Variants in PHF24 observed in about 807,000 individuals in gnomAD.
PHF24 encodes Galpha inhibitory interacting protein.
PHF24 carries 25 observed loss-of-function variants against 42.6 expected under a neutral mutation model. That is an observed-to-expected ratio of 0.59 (90% CI 0.43 to 0.82). The LOEUF (loss-of-function observed/expected upper bound fraction) is 0.82, where lower values mean the gene tolerates loss of function less well. Among genes scored for constraint, PHF24 ranks in the 40% least tolerant of loss-of-function variants. PHF24 has a pLI of 0.00. For missense variants in PHF24, 470 were observed against 538.1 expected (o/e 0.87, Z 1.25); for synonymous variants, 185 against 204.8 (o/e 0.90, Z 0.83).
chr9:34,734,886 A>G, the PHF24 span, among the ~76,000 whole-genome samples: 1 of 152,228 alleles, frequency 6.6e-6, no homozygotes, highest in Admixed American at 6.5e-5. Flanking sequence ...GGAGGATGAC[A>G]TTGAGCAAAC....
chr9:34,828,149 C>G, the PHF24 span, among the ~76,000 whole-genome samples: 1 of 152,006 alleles, frequency 6.6e-6, no homozygotes, highest in Non-Finnish European at 1.5e-5. Flanking sequence ...ACGGCCCCTC[C>G]CAGCTCCCCA....
intron 3 of PHF24, among the ~76,000 whole-genome samples, chr9:34,975,696 CTTTT>C (rs879481586): frequency 6.9e-6 from 1 of 145,054 alleles, no homozygotes; most frequent in East Asian, 2.0e-4. Flanking sequence ...TAGGATTAAA[CTTTT>C]TTTTTTTTTA....
chr9:34,875,944 A>ACTCTCTCT, the PHF24 span, among the ~76,000 whole-genome samples: 256 of 85,574 alleles, frequency 3.0e-3, 1 homozygote, highest in African/African-American at 0.012. Context: ...ACACACACAC[A>ACTCTCTCT]CACACACTCT....
the PHF24 span, among the ~76,000 whole-genome samples, chr9:34,799,059 T>C: frequency 2.6e-5 from 4 of 152,222 alleles, no homozygotes; most frequent in Non-Finnish European, 5.9e-5. Flanking sequence ...ATTTGATTTT[T>C]CTTGTTGATG....
chr9:34,841,805 C>T, the PHF24 span, among the ~76,000 whole-genome samples: 2 of 152,126 alleles, frequency 1.3e-5, no homozygotes, highest in South Asian at 2.1e-4. Context: ...TGCAGTGAGC[C>T]GAGATTGCAC....
the PHF24 span, chr9:34,725,116 C>T: frequency 1.3e-6 from 2 of 1,550,764 alleles, no homozygotes; most frequent in Non-Finnish European, 1.7e-6. Context: ...GAGCCACTGC[C>T]AGGACCCCAG....
the PHF24 span, among the ~76,000 whole-genome samples, chr9:34,740,311 G>A: frequency 6.6e-6 from 1 of 152,226 alleles, no homozygotes; most frequent in Non-Finnish European, 1.5e-5. Flanking sequence ...GGAGGCTTGG[G>A]CCGCCCAGGA....
chr9:34,979,753 A>G (rs1328541710), exon 8 of PHF24: 1 of 152,064 alleles, frequency 6.6e-6, no homozygotes, highest in Non-Finnish European at 1.5e-5. Flanking sequence ...TCCTGTAGGA[A>G]CCACCTTAGC....
At chr9:34,767,786 A>G in the PHF24 span, among the ~76,000 whole-genome samples, 1 of 152,166 alleles carries the variant, frequency 6.6e-6, no homozygotes, top group African/African-American at 2.4e-5. Flanking sequence ...GAAATCACCC[A>G]TCTTCTGCGT....
chr9:34,917,033 A>C, the PHF24 span: 1 of 565,234 alleles, frequency 1.8e-6, no homozygotes, highest in East Asian at 3.1e-5. Context: ...GTGTGAACAC[A>C]AATCATGAGG....
chr9:34,911,600 T>C, the PHF24 span, among the ~76,000 whole-genome samples: 1 of 152,326 alleles, frequency 6.6e-6, no homozygotes, highest in East Asian at 1.9e-4. Context: ...ATTTGCTCCT[T>C]CAACCCATAA....
chr9:34,832,348 G>A, the PHF24 span: 1 of 732,080 alleles, frequency 1.4e-6, no homozygotes, highest in Admixed American at 2.3e-5. Flanking sequence ...CAGTGACGAG[G>A]ACAGTGGTGG....
At chr9:34,808,791 G>A in the PHF24 span, among the ~76,000 whole-genome samples, 4 of 149,602 alleles carry the variant, frequency 2.7e-5, no homozygotes, top group African/African-American at 9.8e-5. Flanking sequence ...GTCCTCATGG[G>A]CAAATCACCT....
At chr9:34,915,554 A>T in the PHF24 span, among the ~76,000 whole-genome samples, 7 of 152,026 alleles carry the variant, frequency 4.6e-5, no homozygotes, top group African/African-American at 1.7e-4. Context: ...GGAAATTTTA[A>T]GGGTTCACAA....
At chr9:34,730,027 T>C in the PHF24 span, among the ~76,000 whole-genome samples, 598 of 152,138 alleles carry the variant, frequency 3.9e-3, 4 homozygotes, top group East Asian at 4.6e-3. Flanking sequence ...ACGTATCTGG[T>C]CTGTGTGGCC....
chr9:34,844,428 A>G, the PHF24 span, among the ~76,000 whole-genome samples: 1 of 152,068 alleles, frequency 6.6e-6, no homozygotes, highest in East Asian at 1.9e-4. Flanking sequence ...ATTTATTGCT[A>G]TAAACTTCCC....
the PHF24 span, among the ~76,000 whole-genome samples, chr9:34,905,430 T>C: frequency 7.2e-5 from 11 of 152,366 alleles, no homozygotes; most frequent in African/African-American, 2.6e-4. Flanking sequence ...TAAAAGTATG[T>C]AGAAGTGAAT....
At chr9:34,794,352 T>C in the PHF24 span, among the ~76,000 whole-genome samples, 7 of 152,106 alleles carry the variant, frequency 4.6e-5, no homozygotes, top group Non-Finnish European at 1.0e-4. Context: ...ATTAAAACAT[T>C]AACGTTATCT....
At chr9:34,806,170 T>C in the PHF24 span, among the ~76,000 whole-genome samples, 1 of 152,158 alleles carries the variant, frequency 6.6e-6, no homozygotes, top group African/African-American at 2.4e-5. Context: ...TTACTTTATT[T>C]TTTTTTTCAA....
Sources: gnomAD v4.1 joint callset for allele counts (sites outside exome capture counted in the v4.1 genomes callset) on GRCh38, gnomAD v4.1.1 for gene constraint, MANE v1.5 for transcripts, NCBI Gene and HGNC (gene_info 2026-07-23, HGNC 2026-07-21) for gene names.